SAMD5: variants seen among roughly 807,000 people sequenced by gnomAD.
SAMD5 encodes the protein sterile alpha motif domain-containing protein 5.
A neutral mutation model predicts 11.3 loss-of-function variants in SAMD5; 13 were observed. The ratio of observed to expected loss-of-function variants is 1.15; its 90% CI spans 0.75 to 1.83. SAMD5 has a LOEUF of 1.83. SAMD5 is among the 40% of genes most tolerant of loss of function. The pLI is 0.00. For synonymous variants in SAMD5, 129 were observed against 111.3 expected, an observed-to-expected ratio of 1.16 and a Z score of -1.00; for missense variants, 255 against 239.1, an observed-to-expected ratio of 1.07 and a Z score of -0.44.
chr6:147,786,362 C>T, the SAMD5 span, among the ~76,000 whole-genome samples: 43 of 152,220 alleles, frequency 2.8e-4, no homozygotes, highest in Non-Finnish European at 4.1e-4. Flanking sequence ...TTTATAGTGA[C>T]GTTATTTCCA....
chr6:147,885,156 G>A, the SAMD5 span, among the ~76,000 whole-genome samples: 4 of 152,122 alleles, frequency 2.6e-5, no homozygotes, highest in African/African-American at 9.7e-5. Context: ...TCCTAAGACA[G>A]CTCTTATAGT....
the SAMD5 span, among the ~76,000 whole-genome samples, chr6:147,793,277 A>C: frequency 2.0e-5 from 3 of 152,156 alleles, no homozygotes; most frequent in African/African-American, 7.2e-5. Flanking sequence ...AAAACATCAG[A>C]TAAATCCCAA....
chr6:147,789,111 A>C, the SAMD5 span, among the ~76,000 whole-genome samples: 20 of 147,248 alleles, frequency 1.4e-4, no homozygotes, highest in African/African-American at 4.1e-4. Flanking sequence ...AAAAAAAAAA[A>C]CACCACCATC....
chr6:147,540,538 A>T (rs1788583130), intron 1 of SAMD5, among the ~76,000 whole-genome samples: 1 of 152,198 alleles, frequency 6.6e-6, no homozygotes, highest in African/African-American at 2.4e-5. Flanking sequence ...TTGGTTTCAG[A>T]GACCTGTAGC....
chr6:147,514,270 G>A (rs1358435769), intron 1 of SAMD5, among the ~76,000 whole-genome samples: 6 of 151,944 alleles, frequency 3.9e-5, no homozygotes, highest in Non-Finnish European at 8.8e-5. Flanking sequence ...GAAGGGGTCC[G>A]GAGACTGGGA....
the SAMD5 span, among the ~76,000 whole-genome samples, chr6:147,910,742 A>G: frequency 1.8e-4 from 27 of 152,354 alleles, no homozygotes; most frequent in Non-Finnish European, 2.8e-4. Flanking sequence ...TTTTCAAAAA[A>G]TAGAAAAGAA....
intron 1 of SAMD5, among the ~76,000 whole-genome samples, chr6:147,703,095 T>C (rs986782105): frequency 6.6e-6 from 1 of 152,144 alleles, no homozygotes; most frequent in Non-Finnish European, 1.5e-5. Context: ...TGAGAAGGAG[T>C]CTTGCTCTGT....
the SAMD5 span, among the ~76,000 whole-genome samples, chr6:147,762,784 A>G: frequency 2.0e-5 from 3 of 152,184 alleles, no homozygotes; most frequent in Non-Finnish European, 4.4e-5. Flanking sequence ...ATATCAGTCA[A>G]AATATTTATT....
Position 147,569,932 on chromosome 6 carries a change from A to G in SAMD5, c.*5476A>G, listed in dbSNP as rs1254069896. 1.0e-6 allele frequency: 1 copy of G among 984,488 alleles called. No homozygotes were observed. Among genetic ancestry groups the G allele is most frequent in the Non-Finnish European group, 1.2e-6 (1 of 829,092 alleles). The allele number at this position is 984,488 out of a possible 1,614,324, so 61.0% of individuals were successfully genotyped here. On this transcript the variant is annotated 3_prime_UTR_variant, in exon 2 of 2. Transcript: ENST00000367474. Reference sequence around the variant, plus strand: ...GCACTATGAAAAGCCTAATTGGAATAGCATTATGAACCATGTAATGCATGC... The same window carrying G: ...GCACTATGAAAAGCCTAATTGGAATGGCATTATGAACCATGTAATGCATGC...
At chr6:147,927,144 C>T in the SAMD5 span, among the ~76,000 whole-genome samples, 2 of 151,996 alleles carry the variant, frequency 1.3e-5, no homozygotes, top group African/African-American at 4.8e-5. Context: ...CTTGGTTATT[C>T]GGGCTTTTTT....
At chr6:147,572,724 A>C (rs1184809714), downstream of SAMD5, among the ~76,000 whole-genome samples, 3 of 152,246 alleles carry the variant, frequency 2.0e-5, no homozygotes, top group Admixed American at 6.5e-5. Flanking sequence ...TAATCAAACT[A>C]TAGTTAATGT....
chr6:147,527,513 A>C (rs1456815636), intron 1 of SAMD5, among the ~76,000 whole-genome samples: 1 of 152,164 alleles, frequency 6.6e-6, no homozygotes, highest in African/African-American at 2.4e-5. Context: ...CACCTCCAGC[A>C]CTGGGGATTA....
chr6:147,703,935 G>C (rs112455635), intron 1 of SAMD5, among the ~76,000 whole-genome samples: 1 of 151,846 alleles, frequency 6.6e-6, no homozygotes, highest in African/African-American at 2.4e-5. Context: ...TTGCTCTGAC[G>C]CCCAGGCTGG....
At chr6:147,664,200 A>G (rs973240493) in intron 1 of SAMD5, among the ~76,000 whole-genome samples, 1 of 152,188 alleles carries the variant, frequency 6.6e-6, no homozygotes, top group African/African-American at 2.4e-5. Context: ...GTGAGGAGAC[A>G]GATAAGGAAG....
intron 1 of SAMD5, among the ~76,000 whole-genome samples, chr6:147,611,830 C>T (rs1010172373): frequency 7.2e-5 from 11 of 152,108 alleles, no homozygotes; most frequent in Admixed American, 2.0e-4. Context: ...TGCCTAGAAC[C>T]CTGGTTGCAG....
At chr6:147,724,617 C>T (rs558788876) in intron 1 of SAMD5, among the ~76,000 whole-genome samples, 1 of 152,032 alleles carries the variant, frequency 6.6e-6, no homozygotes, top group Non-Finnish European at 1.5e-5. Context: ...TATCCTGGCC[C>T]CCTGTGGAGA....
chr6:147,534,292 T>C (rs970242583), intron 1 of SAMD5, among the ~76,000 whole-genome samples: 32 of 152,200 alleles, frequency 2.1e-4, no homozygotes, highest in African/African-American at 7.5e-4. Context: ...GACTGTGTTC[T>C]TTTTTCTCGT....
chr6:147,773,379 A>T, the SAMD5 span, among the ~76,000 whole-genome samples: 1 of 152,138 alleles, frequency 6.6e-6, no homozygotes. Flanking sequence ...ATCACAGTTC[A>T]CTCATCTGTA....
At chr6:147,720,589 T>C (rs1300756265) in intron 1 of SAMD5, among the ~76,000 whole-genome samples, 1 of 152,190 alleles carries the variant, frequency 6.6e-6, no homozygotes, top group African/African-American at 2.4e-5. Flanking sequence ...GGAGTAAAGA[T>C]TGATTATATA....
Sources: gnomAD v4.1 joint callset for allele counts (sites outside exome capture counted in the v4.1 genomes callset) on GRCh38, gnomAD v4.1.1 for gene constraint, MANE v1.5 for transcripts, NCBI Gene and HGNC (gene_info 2026-07-23, HGNC 2026-07-21) for gene names.